ZXDC: variants seen among roughly 807,000 people sequenced by gnomAD.
The protein encoded by ZXDC is zinc finger protein ZXDC.
In ZXDC, 58 loss-of-function variants were observed where a neutral mutation model predicts 63.6. That is an observed-to-expected ratio of 0.91 (90% CI 0.74 to 1.13). The LOEUF is 1.13. ZXDC is among the 50% of genes most tolerant of loss of function. The probability of loss-of-function intolerance (pLI) is 0.00; values close to 1 mark genes in which losing one functional copy is unlikely to be tolerated. For synonymous variants in ZXDC, 561 were observed against 496.1 expected, an observed-to-expected ratio of 1.13 and a Z score of -1.74; for missense variants, 1,133 against 1,148.9, an observed-to-expected ratio of 0.99 and a Z score of 0.20.
Position 126,475,374 on chromosome 3 carries a change from C to G in ZXDC, c.492G>C (p.Ala164=). The G allele has an allele frequency of 4.0e-6, 5 of 1,259,226 alleles. No homozygotes were observed. Among genetic ancestry groups the G allele is most frequent in the Non-Finnish European group, 5.0e-6 (5 of 1,000,356 alleles). 78.0% of individuals were successfully genotyped at this position (1,259,226 alleles called of 1,614,324 possible). ...ATAGAAAPRR[A]PQASGPSTPG... ...GCGTGCTGGGGCCGGAGGCCTGGGG[C>G]GCGCGGCGGGGAGCGGCGGCGCCCG... Residue 164 remains alanine, a synonymous_variant, in exon 1 of 10, where the codon GCG becomes GCC. Coordinates refer to ENST00000389709, the MANE Select transcript of ZXDC (RefSeq NM_025112.5).
At position 126,470,915 on chromosome 3, in the gene ZXDC, G is replaced by A. The variant is rs139086248; in HGVS notation, c.1250C>T (p.Pro417Leu). 7.4e-6 allele frequency: 12 copies of A among 1,614,196 alleles called. 1 individual carries two copies. The Middle Eastern group carries it at 6.6e-4, about 89-fold the overall frequency. ...GHSITHLGTK[P>L]FECPVEGCCA... ...TCTACCTTCCACAGGACACTCGAAC[G>A]GCTTTGTGCCTAGGTGGGTTATGCT... The change falls in exon 4 of 10, where the codon CCG (proline) becomes CTG (leucine). Residue 417 changes from proline (P) to leucine (L), a missense_variant. Coordinates refer to ENST00000389709, the MANE Select transcript of ZXDC (RefSeq NM_025112.5).
intron 7 of ZXDC, chr3:126,458,651 T>A: frequency 9.1e-6 from 9 of 985,458 alleles, no homozygotes; most frequent in Non-Finnish European, 1.1e-5. Context: ...GGACACGTGT[T>A]ATATACTTGA....
At chr3:126,452,696 T>C in intron 7 of ZXDC, 2 of 531,964 alleles carry the variant, frequency 3.8e-6, no homozygotes, top group Non-Finnish European at 4.8e-6. Flanking sequence ...GTGTTTTATT[T>C]AGAACATTTC....
Position 126,475,617 on chromosome 3 carries a change from G to T in ZXDC, c.249C>A (p.His83Gln), listed in dbSNP as rs200819139. 2 of 1,473,582 alleles carry T rather than the reference G, an allele frequency of 1.4e-6. No homozygotes were observed. The highest frequency in any genetic ancestry group is 1.8e-6 in the Non-Finnish European group (2 of 1,110,998). 91.3% of individuals were successfully genotyped at this position (1,473,582 alleles called of 1,614,324 possible). Residue 83 changes from histidine to glutamine, a missense_variant, in exon 1 of 10, where the codon CAC (histidine) becomes CAA (glutamine). Physicochemically the swap from His to Gln is conservative, Grantham distance 24. Transcript: ENST00000389709. ...DSFLVLLEVP[H>Q]GGAAAEAAGS... ...CGGCAGCCTCGGCGGCAGCGCCGCC[G>T]TGCGGCACTTCCAGCAGCACCAAGA...
intron 6 of ZXDC, chr3:126,460,860 A>G (rs199980903): frequency 2.0e-6 from 2 of 985,446 alleles, no homozygotes; most frequent in South Asian, 4.7e-5. Flanking sequence ...TCTCAACAAT[A>G]TAAATGTCAC....
At chr3:126,465,752 A>C (rs1246586855) in intron 5 of ZXDC, among the ~76,000 whole-genome samples, 1 of 152,174 alleles carries the variant, frequency 6.6e-6, no homozygotes, top group East Asian at 1.9e-4. Flanking sequence ...GCAGTTCAAA[A>C]CCAGCCTGAG....
At chr3:126,443,717 C>T (rs1933770029) in intron 7 of ZXDC, among the ~76,000 whole-genome samples, 1 of 152,182 alleles carries the variant, frequency 6.6e-6, no homozygotes, top group Non-Finnish European at 1.5e-5. Context: ...CATTTCTATG[C>T]TTTCAAGTCT....
intron 7 of ZXDC, 47 bp from the exon 8 acceptor site, chr3:126,441,993 G>A (rs1199247465): frequency 6.5e-7 from 1 of 1,540,848 alleles, no homozygotes; most frequent in Non-Finnish European, 8.7e-7. Flanking sequence ...CAATCTACCA[G>A]TCAGGTCTGC....
intron 5 of ZXDC, 117 bp from the exon 6 acceptor site, chr3:126,462,337 C>T: frequency 6.9e-7 from 1 of 1,442,832 alleles, no homozygotes; most frequent in Admixed American, 2.7e-5. Context: ...GTCCTCTTCC[C>T]ACACCCTGAA....
In ZXDC at chr3:126,441,762, C is replaced by T; in HGVS notation, c.2394+3G>A. 1.3e-6 allele frequency: 2 copies of T among 1,590,530 alleles called. No homozygotes were observed. The highest frequency in any genetic ancestry group is 1.7e-6 in the Non-Finnish European group (2 of 1,171,070). On this transcript the variant is annotated splice_donor_region_variant and intron_variant, in intron 8 of 9. Transcript: ENST00000389709. ...CTGGCCTGTGTGACTGGCCAGCTCT[C>T]ACCTGCACCAGCTGGACCTGGACGC...
At chr3:126,459,879 C>T (rs1934454983) in intron 6 of ZXDC, 142 bp from the exon 7 acceptor site, 4 of 1,540,234 alleles carry the variant, frequency 2.6e-6, no homozygotes, top group Non-Finnish European at 3.5e-6. Context: ...ACACAAAGGG[C>T]CAAACGCTAC....
chr3:126,447,222 T>C (rs1490585394), intron 7 of ZXDC, among the ~76,000 whole-genome samples: 1 of 152,248 alleles, frequency 6.6e-6, no homozygotes, highest in Non-Finnish European at 1.5e-5. Flanking sequence ...ATAAAGTATG[T>C]AAGTGAACAA....
chr3:126,453,684 T>C, intron 7 of ZXDC: 1 of 985,272 alleles, frequency 1.0e-6, no homozygotes, highest in South Asian at 4.7e-5. Flanking sequence ...TATTTGTAAT[T>C]AGCTTTTATT....
At chr3:126,451,066 A>G (rs1934083230) in intron 7 of ZXDC, 1 of 910,988 alleles carries the variant, frequency 1.1e-6, no homozygotes, top group Non-Finnish European at 1.3e-6. Context: ...TCACCACCTG[A>G]GTCCCTCAGG....
Position 126,475,324 on chromosome 3 carries a change from T to G in ZXDC, c.542A>C (p.Gln181Pro). 3 of 1,543,968 alleles carry G rather than the reference T, an allele frequency of 1.9e-6. No homozygotes were observed. The highest frequency in any genetic ancestry group is 2.6e-6 in the Non-Finnish European group (3 of 1,143,434). The stretch of plus-strand genomic sequence containing the variant: ...CTTCTTGGCGAAGGCCAGCGCGCAC[T>G]GCGGCTCGGGGCAGCGGTAGCCGGG... ...STPGYRCPEPQCALAFAKKHQ... is the reference protein window; with the variant it reads ...STPGYRCPEPPCALAFAKKHQ... The change falls in exon 1 of 10, where the codon CAG becomes CCG. Residue 181 changes from glutamine to proline, a missense_variant. Coordinates refer to ENST00000389709, the MANE Select transcript of ZXDC (RefSeq NM_025112.5).
chr3:126,462,611 C>CA (rs1934602045), intron 5 of ZXDC, among the ~76,000 whole-genome samples: 2 of 152,174 alleles, frequency 1.3e-5, no homozygotes, highest in Non-Finnish European at 2.9e-5. Flanking sequence ...CACCCTCTCC[C>CA]CTCTAGGTGC....
chr3:126,450,508 T>A (rs1333263882), intron 7 of ZXDC: 1 of 456,574 alleles, frequency 2.2e-6, no homozygotes, highest in East Asian at 7.0e-5. Context: ...CCTGGGCACC[T>A]CATGACACAT....
chr3:126,449,834 C>T (rs116454498), intron 7 of ZXDC, among the ~76,000 whole-genome samples: 121 of 152,276 alleles, frequency 7.9e-4, no homozygotes, highest in African/African-American at 2.7e-3. Context: ...GAAAGGGAGC[C>T]GGGGCTGTGT....
At chr3:126,458,521 A>T (rs1378337718) in intron 7 of ZXDC, 4 of 927,720 alleles carry the variant, frequency 4.3e-6, no homozygotes, top group African/African-American at 1.8e-5. Context: ...TACAGGTATG[A>T]GCCACCGCAC....
Sources: allele counts gnomAD v4.1 joint callset (sites outside exome capture counted in the v4.1 genomes callset), GRCh38; gene constraint gnomAD v4.1.1; transcripts MANE v1.5; gene names NCBI Gene and HGNC (gene_info 2026-07-23, HGNC 2026-07-21).